CEP128: variants seen among roughly 807,000 people sequenced by gnomAD.
CEP128 encodes centrosomal protein 128, also known as centrosomal protein 128kDa.
In CEP128, 132 loss-of-function variants were observed where a neutral mutation model predicts 156.7. That is an observed-to-expected ratio of 0.84 (90% CI 0.73 to 0.97). The LOEUF is 0.97. Ranked by LOEUF, CEP128 falls within the 50% of genes least tolerant of loss-of-function variation. The probability of loss-of-function intolerance (pLI) is 0.00; values close to 1 mark genes in which losing one functional copy is unlikely to be tolerated. For missense variants in CEP128, 1,252 were observed against 1,281.9 expected (o/e 0.98, Z 0.36); for synonymous variants, 469 against 448.9 (o/e 1.04, Z -0.57).
intron 14 of CEP128, among the ~76,000 whole-genome samples, chr14:80,484,959 AT>A (rs2140150939): frequency 6.6e-6 from 1 of 152,270 alleles, no homozygotes; most frequent in South Asian, 2.1e-4. Context: ...TCTGACCTCA[AT>A]TGTGGGCATT....
intron 19 of CEP128, among the ~76,000 whole-genome samples, chr14:80,658,772 T>C (rs1264047232): frequency 2.6e-5 from 4 of 152,214 alleles, no homozygotes; most frequent in Non-Finnish European, 5.9e-5. Context: ...TAGCAGAACC[T>C]GTCTCATGAG....
At chr14:80,817,624 T>C (rs1884936910) in intron 13 of CEP128, among the ~76,000 whole-genome samples, 3 of 152,162 alleles carry the variant, frequency 2.0e-5, no homozygotes, top group Admixed American at 1.3e-4. Flanking sequence ...GGCTCACACC[T>C]GTAATCCCAG....
intron 21 of CEP128, among the ~76,000 whole-genome samples, chr14:80,556,188 A>T (rs1376166901): frequency 6.6e-6 from 1 of 152,106 alleles, no homozygotes; most frequent in African/African-American, 2.4e-5. Flanking sequence ...TCCCAGGAAA[A>T]TTTACATTAA....
At chr14:80,512,231 G>GA (rs1159703199) in intron 23 of CEP128, among the ~76,000 whole-genome samples, 36 of 152,006 alleles carry the variant, frequency 2.4e-4, no homozygotes, top group African/African-American at 8.7e-4. Context: ...CAATAATATT[G>GA]GCTTTATATA....
intron 23 of CEP128, among the ~76,000 whole-genome samples, chr14:80,517,010 T>A (rs12587812): frequency 0.67 from 102,099 of 152,062 alleles, 40,342 homozygotes; most frequent in East Asian, 0.86. Flanking sequence ...GGACAATTGC[T>A]GGAGGGTTCT....
At chr14:80,749,274 G>A (rs559181196) in intron 18 of CEP128, among the ~76,000 whole-genome samples, 45 of 152,260 alleles carry the variant, frequency 3.0e-4, no homozygotes, top group Admixed American at 1.5e-3. Context: ...CAGCAATCCC[G>A]TTGCTAGGTA....
At chr14:80,941,940 G>A (rs989044142), upstream of CEP128, among the ~76,000 whole-genome samples, 2 of 151,880 alleles carry the variant, frequency 1.3e-5, no homozygotes, top group Non-Finnish European at 2.9e-5. Flanking sequence ...GCGCCCTCTT[G>A]CCCTGCTCTA....
At chr14:80,532,178 C>G (rs993376945) in intron 21 of CEP128, among the ~76,000 whole-genome samples, 3 of 151,610 alleles carry the variant, frequency 2.0e-5, no homozygotes, top group African/African-American at 7.3e-5. Context: ...GGGAATCTCT[C>G]AATTATGAGT....
At chr14:80,831,409 G>T in intron 12 of CEP128, 115 bp from the exon 13 acceptor site, 2 of 1,118,816 alleles carry the variant, frequency 1.8e-6, no homozygotes, top group East Asian at 2.4e-5. Flanking sequence ...TCCATTTATT[G>T]ACAGTTACTC....
At chr14:80,744,019 C>A (rs1898972007) in intron 18 of CEP128, among the ~76,000 whole-genome samples, 1 of 151,812 alleles carries the variant, frequency 6.6e-6, no homozygotes, top group South Asian at 2.1e-4. Flanking sequence ...TACAGGTACA[C>A]ACCACCATGT....
At chr14:80,644,860 T>C (rs1328310211) in intron 19 of CEP128, among the ~76,000 whole-genome samples, 2 of 152,154 alleles carry the variant, frequency 1.3e-5, no homozygotes, top group Non-Finnish European at 2.9e-5. Flanking sequence ...GTTATTTTAA[T>C]GAAAAAGAAC....
intron 19 of CEP128, among the ~76,000 whole-genome samples, chr14:80,708,061 T>G (rs1566869136): frequency 1.3e-5 from 2 of 152,222 alleles, no homozygotes; most frequent in African/African-American, 4.8e-5. Flanking sequence ...ATATTTGCAT[T>G]CCTTTTCATT....
intron 19 of CEP128, among the ~76,000 whole-genome samples, chr14:80,608,767 C>A (rs958570673): frequency 6.6e-6 from 1 of 152,206 alleles, no homozygotes; most frequent in Non-Finnish European, 1.5e-5. Context: ...AGCTTTCCCA[C>A]GTGGGGTTAG....
At chr14:80,645,460 G>A (rs1894593704) in intron 19 of CEP128, among the ~76,000 whole-genome samples, 1 of 152,088 alleles carries the variant, frequency 6.6e-6, no homozygotes, top group South Asian at 2.1e-4. Context: ...ATTATATGGA[G>A]TAGGGAAGTA....
intron 19 of CEP128, among the ~76,000 whole-genome samples, chr14:80,722,315 A>G (rs927483467): frequency 2.0e-5 from 3 of 152,148 alleles, no homozygotes; most frequent in Non-Finnish European, 4.4e-5. Flanking sequence ...CACAAATATC[A>G]TAAGTATTTT....
At chr14:80,776,955 T>A (rs1420252589) in intron 16 of CEP128, among the ~76,000 whole-genome samples, 4 of 152,162 alleles carry the variant, frequency 2.6e-5, no homozygotes, top group Admixed American at 1.3e-4. Context: ...ATATATGAAG[T>A]CACTCAATAA....
At chr14:80,758,945 C>A (rs570853682) in intron 17 of CEP128, among the ~76,000 whole-genome samples, 68 of 152,206 alleles carry the variant, frequency 4.5e-4, no homozygotes, top group African/African-American at 1.6e-3. Flanking sequence ...CAATATGAAC[C>A]TATACCTGTC....
intron 13 of CEP128, chr14:80,830,059 T>C (rs559622997): frequency 2.5e-6 from 1 of 399,302 alleles, no homozygotes; most frequent in South Asian, 7.6e-5. Flanking sequence ...AATACGTGAC[T>C]TCAGCAAAAT....
chr14:80,915,930 G>A (rs1258047271), intron 3 of CEP128, among the ~76,000 whole-genome samples: 6 of 152,242 alleles, frequency 3.9e-5, no homozygotes, highest in Admixed American at 2.6e-4. Flanking sequence ...CGGCAAAAGG[G>A]ATTTTGCAAA....
Sources: gnomAD v4.1 joint callset for allele counts (sites outside exome capture counted in the v4.1 genomes callset) on GRCh38, gnomAD v4.1.1 for gene constraint, MANE v1.5 for transcripts, NCBI Gene and HGNC (gene_info 2026-07-23, HGNC 2026-07-21) for gene names.